Variants in DNLZ observed in about 807,000 individuals in gnomAD.
DNLZ encodes DNL-type zinc finger.
A neutral mutation model predicts 7.8 loss-of-function variants in DNLZ; 15 were observed. That is an observed-to-expected ratio of 1.91 (90% CI 1.28 to 2.95). The LOEUF is 2.95. Among genes scored for constraint, DNLZ ranks in the 30% most tolerant of loss-of-function variants. DNLZ has a pLI of 0.00. For synonymous variants in DNLZ, 123 were observed against 77.8 expected, an observed-to-expected ratio of 1.58 and a Z score of -3.05; for missense variants, 255 against 167.3, an observed-to-expected ratio of 1.52 and a Z score of -2.89.
intron 2 of DNLZ, among the ~76,000 whole-genome samples, chr9:136,362,635 C>A (rs1193048375): frequency 1.3e-5 from 2 of 152,226 alleles, no homozygotes; most frequent in Non-Finnish European, 1.5e-5. Context: ...GGTCCACACC[C>A]CAAGCCTTGC....
At chr9:136,363,213 C>T (rs1364104407) in intron 1 of DNLZ, 85 bp from the exon 2 acceptor site, 27 of 1,510,166 alleles carry the variant, frequency 1.8e-5, no homozygotes, top group Non-Finnish European at 2.3e-5. Flanking sequence ...GTAGCTCCAG[C>T]CACCTCACCC....
rs997812027 is a variant in DNLZ, at chr9:136,361,040, G to A, written c.*972C>T. On this transcript the variant is annotated 3_prime_UTR_variant, in exon 3 of 3. Transcript: ENST00000371738. ...AAGGCTCTGGGTGGGAATAATAGAG[G>A]GTTGTTGGCTGAAAGAAGGACAGGG... The A allele has an allele frequency of 1.3e-5, 2 of 152,224 alleles. No individual in the cohort carries two copies. The highest frequency in any genetic ancestry group is 4.8e-5 in the African/African-American group (2 of 41,400). The allele number at this position is 152,224 out of a possible 1,614,324, so 9.4% of individuals were successfully genotyped here.
intron 2 of DNLZ, among the ~76,000 whole-genome samples, chr9:136,362,505 C>T (rs1486885500): frequency 2.0e-5 from 3 of 152,214 alleles, no homozygotes; most frequent in Non-Finnish European, 4.4e-5. Context: ...ATGCTGGTCT[C>T]AGACCTGCTG....
rs540133405 is a variant in DNLZ at position 136,362,932 on chromosome 9, G to T, written c.368+57C>A. ...CAACACTAGGGCAAGGTTCCCCCAGGGAGGCCAGGGTACTTCTGGGTGGCC... is the reference window on the plus strand; with the variant it reads ...CAACACTAGGGCAAGGTTCCCCCAGTGAGGCCAGGGTACTTCTGGGTGGCC... On this transcript the variant is annotated intron_variant, in intron 2 of 2. Transcript: ENST00000371738. 3.2e-6 allele frequency: 5 copies of T among 1,568,760 alleles called. No individual in the cohort carries two copies. The Admixed American group carries it at 8.4e-5, about 26-fold the overall frequency.
rs13294173 is a variant in DNLZ at position 136,363,051 on chromosome 9, G to A, written c.306C>T (p.Gly102=). ...HQGVVIVTCP[G]CQNHHIIADN... is the part of the protein sequence containing the mutation. ...CAGCGATGATATGGTGGTTCTGGCA[G>A]CCGGGGCAGGTCACAATGACCACGC... The change falls in exon 2 of 3, where the codon GGC becomes GGT. Residue 102 remains glycine (G), a synonymous_variant. Coordinates refer to ENST00000371738, the MANE Select transcript of DNLZ (RefSeq NM_001080849.3). 46 of 1,613,686 alleles carry A rather than the reference G, an allele frequency of 2.9e-5. No homozygotes were observed. The highest frequency in any genetic ancestry group is 3.6e-5 in the Non-Finnish European group (42 of 1,179,986).
intron 1 of DNLZ, 32 bp from the exon 2 acceptor site, chr9:136,363,160 G>A (rs1221547126): frequency 1.2e-6 from 2 of 1,608,714 alleles, no homozygotes; most frequent in South Asian, 1.1e-5. Flanking sequence ...GTGAGGCTGT[G>A]AGGGCCGCCA....
chr9:136,363,276 G>A, intron 1 of DNLZ, 148 bp from the exon 2 acceptor site: 1 of 729,932 alleles, frequency 1.4e-6, no homozygotes. Context: ...CCCCAACCTC[G>A]CCCTCTCCCG....
In DNLZ at chr9:136,363,093, C is replaced by T; in HGVS notation, c.264G>A (p.Lys88=). ...CGTRSSKRIS[K]LAYHQGVVIV... ...TGACCACGCCTTGGTGATAGGCCAG[C>T]TTGGAGATGCGCTTGGAGGACCTAG... is the stretch of plus-strand genomic sequence containing the variant. Residue 88 remains lysine, a synonymous_variant, in exon 2 of 3, where the codon AAG becomes AAA. Transcript: ENST00000371738. 1 of 1,613,596 alleles carries T rather than the reference C, an allele frequency of 6.2e-7. No individual in the cohort carries two copies. The highest frequency in any genetic ancestry group is 8.5e-7 in the Non-Finnish European group (1 of 1,179,972).
rs1286476275 is a variant in DNLZ, at chr9:136,362,984, C to A, written c.368+5G>T. The A allele has an allele frequency of 2.5e-6, 4 of 1,613,530 alleles. No individual in the cohort carries two copies. In the Admixed American group the frequency reaches 6.7e-5, roughly 27 times the overall value. On this transcript the variant is annotated splice_donor_5th_base_variant and intron_variant, in intron 2 of 2. Coordinates refer to ENST00000371738, the MANE Select transcript of DNLZ (RefSeq NM_001080849.3). The stretch of plus-strand genomic sequence containing the variant: ...TCTGGCCCAGCCCTGGGGTACAGGC[C>A]TCACCTCTTCCCATTCAGGTCCGAG...
At position 136,363,467 on chromosome 9, in the gene DNLZ, C is replaced by A; in HGVS notation, c.228+20G>T. ...GTCAGATACGGGTCTGTCCCCGGTTCCGTCCCGCCGCGCGCCTACCTTGCA... is the reference window on the plus strand; with the variant it reads ...GTCAGATACGGGTCTGTCCCCGGTTACGTCCCGCCGCGCGCCTACCTTGCA... On this transcript the variant is annotated intron_variant, in intron 1 of 2. Transcript: ENST00000371738. 1.3e-6 allele frequency: 1 copy of A among 762,302 alleles called. No homozygotes were observed. The highest frequency in any genetic ancestry group is 2.4e-6 in the Non-Finnish European group (1 of 416,886). The allele number at this position is 762,302 out of a possible 1,614,324, so 47.2% of individuals were successfully genotyped here. A position where few individuals can be genotyped will look rare whatever the true frequency, so the allele number is the denominator to read the frequency against.
intron 2 of DNLZ, among the ~76,000 whole-genome samples, chr9:136,362,583 T>A (rs1049599303): frequency 6.6e-6 from 1 of 152,038 alleles, no homozygotes; most frequent in African/African-American, 2.4e-5. Flanking sequence ...CGGCACCACC[T>A]CCACTGCTCT....
intron 1 of DNLZ, 33 bp from the exon 2 acceptor site, chr9:136,363,161 A>G: frequency 1.9e-6 from 3 of 1,608,338 alleles, no homozygotes; most frequent in East Asian, 2.2e-5. Context: ...TGAGGCTGTG[A>G]GGGCCGCCAC....
rs1187646248 is a variant in DNLZ, at chr9:136,360,679, AGGGCCAGCCT to A, written c.*1323_*1332del. On this transcript the variant is annotated 3_prime_UTR_variant, in exon 3 of 3. Coordinates refer to ENST00000371738, the MANE Select transcript of DNLZ (RefSeq NM_001080849.3). ...CCAGCCTTGGGAAGGATTTCCCTCC[AGGGCCAGCCT>A]GGGCCCAGAGGTGCTGGCATCAGAC... The A allele has an allele frequency of 6.6e-6, 1 of 152,152 alleles. No homozygotes were observed. The highest frequency in any genetic ancestry group is 2.4e-5 in the African/African-American group (1 of 41,406). 9.4% of individuals were successfully genotyped at this position (152,152 alleles called of 1,614,324 possible).
rs770917122 is a variant in DNLZ at position 136,363,018 on chromosome 9, C to T, written c.339G>A (p.Leu113=). ...CQNHHIIADN[L]GWFSDLNGKR... ...TCCCATTCAGGTCCGAGAACCAGCC[C>T]AGGTTGTCAGCGATGATATGGTGGT... Residue 113 remains leucine (L), a synonymous_variant, in exon 2 of 3, where the codon CTG becomes CTA. Transcript: ENST00000371738. 5.0e-6 allele frequency: 8 copies of T among 1,613,804 alleles called. No individual in the cohort carries two copies. The highest frequency in any genetic ancestry group is 5.9e-6 in the Non-Finnish European group (7 of 1,179,978).
rs1832987237 is a variant in DNLZ, at chr9:136,361,982, GAA to G, written c.*28_*29del. ...GGCCAAAACCTCCTTCTGGAAGGCC[GAA>G]GTCCCACAGTGCCGGGGAGCGCAGG... On this transcript the variant is annotated 3_prime_UTR_variant, in exon 3 of 3. Coordinates refer to ENST00000371738, the MANE Select transcript of DNLZ (RefSeq NM_001080849.3). The G allele has an allele frequency of 2.4e-6, 3 of 1,268,212 alleles. No individual in the cohort carries two copies. The highest frequency in any genetic ancestry group is 3.0e-6 in the Non-Finnish European group (3 of 999,772). 78.6% of individuals were successfully genotyped at this position (1,268,212 alleles called of 1,614,324 possible).
In DNLZ at chr9:136,361,816, A is replaced by G. The variant is rs1185840554; in HGVS notation, c.*196T>C. Reference sequence around the variant, plus strand: ...TGAGGCGAGAGGTCCTGCGGCTCCTATGTCCCACCCAGCAGCACCAGGGAT... The same window carrying G: ...TGAGGCGAGAGGTCCTGCGGCTCCTGTGTCCCACCCAGCAGCACCAGGGAT... On this transcript the variant is annotated 3_prime_UTR_variant, in exon 3 of 3. Coordinates refer to ENST00000371738, the MANE Select transcript of DNLZ (RefSeq NM_001080849.3). The G allele has an allele frequency of 2.4e-6, 1 of 416,990 alleles. No homozygotes were observed. Among genetic ancestry groups the G allele is most frequent in the African/African-American group, 2.0e-5 (1 of 48,958 alleles). The allele number at this position is 416,990 out of a possible 1,614,324, so 25.8% of individuals were successfully genotyped here.
rs1564365040 is a variant in DNLZ at position 136,363,722 on chromosome 9, G to GCCGGCTCCGTCCGCCCTGCC, written c.-28_-9dup. The GCCGGCTCCGTCCGCCCTGCC allele has an allele frequency of 2.2e-6, 1 of 445,090 alleles. No homozygotes were observed. The highest frequency in any genetic ancestry group is 2.2e-5 in the African/African-American group (1 of 45,878). 27.6% of individuals were successfully genotyped at this position (445,090 alleles called of 1,614,324 possible). ...CAGCGCAGTCCGCAGCATCCCGCTC[G>GCCGGCTCCGTCCGCCCTGCC]CCGGCTCCGTCCGCCCTGCCCCGGC... On this transcript the variant is annotated 5_prime_UTR_variant, in exon 1 of 3. Coordinates refer to ENST00000371738, the MANE Select transcript of DNLZ (RefSeq NM_001080849.3).
Position 136,363,628 on chromosome 9 carries a change from G to T in DNLZ, c.87C>A (p.Arg29=), listed in dbSNP as rs951334808. 9 of 469,308 alleles carry T rather than the reference G, an allele frequency of 1.9e-5. No homozygotes were observed. The highest frequency in any genetic ancestry group is 3.4e-5 in the Non-Finnish European group (9 of 267,090). 29.1% of individuals were successfully genotyped at this position (469,308 alleles called of 1,614,324 possible). Residue 29 remains arginine (R), a synonymous_variant, in exon 1 of 3, where the codon CGC becomes CGA. Coordinates refer to ENST00000371738, the MANE Select transcript of DNLZ (RefSeq NM_001080849.3). The part of the protein sequence containing the change: ...RAPCLRRLWG[R]GARPEVAGRR... Reference sequence around the variant, plus strand: ...TCCCCGCGACCTCTGGACGGGCCCCGCGGCCCCACAGCCGCCTCAGGCAGG... The same window carrying T: ...TCCCCGCGACCTCTGGACGGGCCCCTCGGCCCCACAGCCGCCTCAGGCAGG...
Position 136,363,233 on chromosome 9 carries a change from A to G in DNLZ, c.229-105T>C, listed in dbSNP as rs1478838010. The G allele has an allele frequency of 2.9e-6, 4 of 1,390,592 alleles. No individual in the cohort carries two copies. In the African/African-American group the frequency reaches 4.3e-5, roughly 15 times the overall value. 86.1% of individuals were successfully genotyped at this position (1,390,592 alleles called of 1,614,324 possible). ...TCCAGCCACCTCACCCTCTCCAGAG[A>G]AGGCCCCGCCCCCGAGGGATAGCTC... On this transcript the variant is annotated intron_variant, in intron 1 of 2. Transcript: ENST00000371738.
Sources: allele counts gnomAD v4.1 joint callset (sites outside exome capture counted in the v4.1 genomes callset), GRCh38; gene constraint gnomAD v4.1.1; transcripts MANE v1.5; gene names NCBI Gene and HGNC (gene_info 2026-07-23, HGNC 2026-07-21).